Variants in COL27A1 observed in about 807,000 individuals in gnomAD.
COL27A1 encodes collagen alpha-1(XXVII) chain.
Under a neutral mutation model 251.3 loss-of-function variants are expected in COL27A1, and 106 were observed. That is an observed-to-expected ratio of 0.42 (90% CI 0.36 to 0.50). COL27A1 has a LOEUF of 0.50. COL27A1 is among the 20% of genes least tolerant of loss of function. The pLI, the probability that COL27A1 is intolerant of heterozygous loss-of-function variation, is 0.00. For synonymous variants in COL27A1, 1,000 were observed against 986.3 expected, an observed-to-expected ratio of 1.01 and a Z score of -0.26; for missense variants, 2,325 against 2,522.8, an observed-to-expected ratio of 0.92 and a Z score of 1.68.
intron 2 of COL27A1, 92 bp from the exon 3 acceptor site, chr9:114,167,597 G>T (rs1848976869): frequency 1.4e-5 from 15 of 1,058,050 alleles, no homozygotes; most frequent in Non-Finnish European, 1.8e-5. Flanking sequence ...TGGGTGGACG[G>T]TCCACATTGC....
intron 12 of COL27A1, among the ~76,000 whole-genome samples, chr9:114,216,939 A>T (rs949442833): frequency 2.6e-5 from 4 of 152,148 alleles, no homozygotes; most frequent in African/African-American, 9.7e-5. Context: ...TTCAGTGTCC[A>T]GTTGTAGCTA....
intron 5 of COL27A1, among the ~76,000 whole-genome samples, chr9:114,186,214 A>G (rs1828327225): frequency 6.6e-6 from 1 of 152,248 alleles, no homozygotes. Context: ...CCAATCCAGC[A>G]GGGAAGGGAG....
chr9:114,167,614 C>G, intron 2 of COL27A1, 75 bp from the exon 3 acceptor site: 3 of 1,290,046 alleles, frequency 2.3e-6, no homozygotes. Context: ...TTGCCTGTGC[C>G]CCTTAGGGGG....
intron 45 of COL27A1, among the ~76,000 whole-genome samples, chr9:114,289,567 T>A (rs1249741): frequency 0.6 from 91,255 of 152,020 alleles, 29,244 homozygotes; most frequent in East Asian, 0.93. Flanking sequence ...AACCCAGGGC[T>A]CACCACACTG....
chr9:114,300,681 C>A lies in COL27A1; in HGVS notation c.4695C>A (p.Gly1565=). Residue 1565 remains glycine (G), a synonymous_variant, in exon 51 of 61, where the codon GGC becomes GGA. Transcript: ENST00000356083. ...TCCAGGGCCCTCGGGGGCCACCTGG[C>A]TTGATGGTGAGTTCCCTCCCTGCTG... ...KGIQGPRGPP[G]LMGKEGIVGP... is the part of the protein sequence containing the mutation. 1 of 1,510,390 alleles carries A rather than the reference C, an allele frequency of 6.6e-7. No homozygotes were observed. Among genetic ancestry groups the A allele is most frequent in the Non-Finnish European group, 8.8e-7 (1 of 1,132,196 alleles). The allele number at this position is 1,510,390 out of a possible 1,614,324, so 93.6% of individuals were successfully genotyped here.
rs961437251 is a variant in COL27A1, at chr9:114,270,924, G to A, written c.3609+143G>A. 57 of 710,564 alleles carry A rather than the reference G, an allele frequency of 8.0e-5. No homozygotes were observed. In the South Asian group the frequency reaches 8.2e-4, roughly 10 times the overall value. The allele number at this position is 710,564 out of a possible 1,614,324, so 44.0% of individuals were successfully genotyped here. ...CAGCTCCCATTGACAGCAGCTTGGG[G>A]AAGGGTCAGCAGTGTCCAGCAGCCA... is the stretch of plus-strand genomic sequence containing the variant. On this transcript the variant is annotated intron_variant, in intron 36 of 60. Transcript: ENST00000356083.
intron 13 of COL27A1, among the ~76,000 whole-genome samples, 190 bp downstream of exon 13, chr9:114,220,034 G>A (rs930003166): frequency 3.0e-4 from 45 of 152,028 alleles, no homozygotes; most frequent in Admixed American, 2.1e-3. Flanking sequence ...CGGCTGCACC[G>A]TCGCCCCCCT....
chr9:114,264,464 G>A (rs1834591351), intron 29 of COL27A1, 56 bp downstream of exon 29: 12 of 1,372,642 alleles, frequency 8.7e-6, no homozygotes, highest in South Asian at 4.2e-5. Context: ...GTCAGGAATC[G>A]TGAACAAGGC....
At chr9:114,206,168 C>T in intron 9 of COL27A1, 84 bp from the exon 10 acceptor site, 2 of 1,350,696 alleles carry the variant, frequency 1.5e-6, no homozygotes, top group South Asian at 2.4e-5. Context: ...CAGCAGAGGC[C>T]CCAAAGAGGC....
intron 56 of COL27A1, among the ~76,000 whole-genome samples, chr9:114,302,619 G>A (rs1828727625): frequency 1.3e-5 from 2 of 151,398 alleles, no homozygotes; most frequent in Admixed American, 6.6e-5. Flanking sequence ...CCAGCTACAG[G>A]AGAGGTTGAA....
At chr9:114,307,479 G>A (rs1478839009) in intron 58 of COL27A1, 190 bp from the exon 59 acceptor site, 4 of 581,662 alleles carry the variant, frequency 6.9e-6, no homozygotes, top group Non-Finnish European at 1.2e-5. Flanking sequence ...TGGGGGCTCT[G>A]CCAGTTGTGA....
rs374822861 is a variant in COL27A1, at chr9:114,306,504, C to T, written c.4939-16C>T. The T allele has an allele frequency of 5.2e-5, 84 of 1,613,250 alleles. No homozygotes were observed. Among genetic ancestry groups the T allele is most frequent in the Non-Finnish European group, 7.0e-5 (82 of 1,179,782 alleles). Reference sequence around the variant, plus strand: ...AGGACCCTAAGGTCCCAATGACCACCCTCTCCTCGTGACAGAGTTACAGCT... The same window carrying T: ...AGGACCCTAAGGTCCCAATGACCACTCTCTCCTCGTGACAGAGTTACAGCT... On this transcript the variant is annotated splice_polypyrimidine_tract_variant and intron_variant, in intron 57 of 60. Coordinates refer to ENST00000356083, the MANE Select transcript of COL27A1 (RefSeq NM_032888.4).
At chr9:114,203,888 G>A (rs1829745358) in intron 7 of COL27A1, among the ~76,000 whole-genome samples, 1 of 152,168 alleles carries the variant, frequency 6.6e-6, no homozygotes, top group African/African-American at 2.4e-5. Context: ...ATGGGACTCA[G>A]AGTAGGCGTC....
Position 114,237,560 on chromosome 9 carries a change from T to A in COL27A1, c.2674-102T>A, listed in dbSNP as rs535451132. The A allele has an allele frequency of 2.3e-3, 2,264 of 981,036 alleles. 3 individuals are homozygous for A. Among genetic ancestry groups the A allele is most frequent in the Non-Finnish European group, 2.6e-3 (1,550 of 605,730 alleles). 60.8% of individuals were successfully genotyped at this position (981,036 alleles called of 1,614,324 possible). A position where few individuals can be genotyped will look rare whatever the true frequency, so the allele number is the denominator to read the frequency against. On this transcript the variant is annotated intron_variant, in intron 18 of 60. Coordinates refer to ENST00000356083, the MANE Select transcript of COL27A1 (RefSeq NM_032888.4). Reference sequence around the variant, plus strand: ...GTCCAGGCAGATTTTATGCACATGCTTCTGAACTTTCCAACCATCCACAAC... The same window carrying A: ...GTCCAGGCAGATTTTATGCACATGCATCTGAACTTTCCAACCATCCACAAC...
intron 1 of COL27A1, among the ~76,000 whole-genome samples, chr9:114,156,764 A>T (rs1474786953): frequency 6.6e-6 from 1 of 152,100 alleles, no homozygotes; most frequent in African/African-American, 2.4e-5. Flanking sequence ...GCTGGGGCCC[A>T]GAGGCTGGGA....
intron 5 of COL27A1, 114 bp downstream of exon 5, chr9:114,183,189 C>T (rs973057175): frequency 9.9e-6 from 10 of 1,010,678 alleles, no homozygotes; most frequent in Non-Finnish European, 1.5e-5. Context: ...AGGGGGATTC[C>T]CGCCTAAGCC....
intron 23 of COL27A1, among the ~76,000 whole-genome samples, chr9:114,245,151 T>TG (rs1833031549): frequency 3.0e-5 from 1 of 32,798 alleles, no homozygotes; most frequent in East Asian, 5.3e-3. Flanking sequence ...CATTCTTGTT[T>TG]TTTTTTTTTT....
At chr9:114,255,952 A>G (rs1207964441) in intron 27 of COL27A1, among the ~76,000 whole-genome samples, 2 of 152,218 alleles carry the variant, frequency 1.3e-5, no homozygotes, top group Admixed American at 1.3e-4. Context: ...CACCTGGAGT[A>G]TGAGATTGTC....
rs1436366398 is a variant in COL27A1 at position 114,312,148 on chromosome 9, G to A, written c.*1453G>A. The A allele has an allele frequency of 2.0e-5, 3 of 152,220 alleles. No individual in the cohort carries two copies. Among genetic ancestry groups the A allele is most frequent in the East Asian group, 1.9e-4 (1 of 5,206 alleles). The allele number at this position is 152,220 out of a possible 1,614,324, so 9.4% of individuals were successfully genotyped here. ...ATTTTTATAGAAGGGGAAAATGTAT[G>A]TGAAAGTCTCTATTTGTGTATTTCT... On this transcript the variant is annotated 3_prime_UTR_variant, in exon 61 of 61. Coordinates refer to ENST00000356083, the MANE Select transcript of COL27A1 (RefSeq NM_032888.4).
Sources: gnomAD v4.1 joint callset for allele counts (sites outside exome capture counted in the v4.1 genomes callset) on GRCh38, gnomAD v4.1.1 for gene constraint, MANE v1.5 for transcripts, NCBI Gene and HGNC (gene_info 2026-07-23, HGNC 2026-07-21) for gene names.